Variants in MTREX observed in about 807,000 individuals in gnomAD.
MTREX encodes the protein exosome RNA helicase MTR4.
MTREX carries 76 observed loss-of-function variants against 135.4 expected under a neutral mutation model. The observed-to-expected ratio is 0.56, with a 90% CI of 0.47 to 0.68. The LOEUF is 0.68. Among genes scored for constraint, MTREX ranks in the 30% least tolerant of loss-of-function variants. MTREX has a pLI of 0.00. For synonymous variants in MTREX, 404 were observed against 401.6 expected (o/e 1.01, Z -0.07); for missense variants, 920 against 1,262.1 (o/e 0.73, Z 4.11).
intron 18 of MTREX, among the ~76,000 whole-genome samples, chr5:55,385,477 C>G (rs1035828364): frequency 6.6e-6 from 1 of 152,120 alleles, no homozygotes; most frequent in Non-Finnish European, 1.5e-5. Flanking sequence ...CCTAAAAGCC[C>G]TTTCCAAGCA....
chr5:55,374,216 C>T (rs973117725), intron 16 of MTREX, among the ~76,000 whole-genome samples: 7 of 151,222 alleles, frequency 4.6e-5, no homozygotes, highest in African/African-American at 1.7e-4. Context: ...AAGATTGTGC[C>T]ACTGAACTCT....
intron 1 of MTREX, among the ~76,000 whole-genome samples, chr5:55,308,434 A>C (rs1749016695): frequency 6.6e-6 from 1 of 151,908 alleles, no homozygotes; most frequent in Admixed American, 6.5e-5. Context: ...CATCAGCACA[A>C]CACCTGGCAC....
chr5:55,388,529 G>C (rs138229902), intron 19 of MTREX, among the ~76,000 whole-genome samples: 96 of 152,234 alleles, frequency 6.3e-4, no homozygotes, highest in African/African-American at 2.2e-3. Flanking sequence ...TAGTGCAAAA[G>C]TAATACATTA....
chr5:55,423,201 A>G (rs918471337), intron 26 of MTREX: 1 of 528,486 alleles, frequency 1.9e-6, no homozygotes, highest in Non-Finnish European at 3.3e-6. Flanking sequence ...CGCTAACTAC[A>G]TGCCAGGCAT....
At chr5:55,366,981 G>A (rs897043423) in intron 16 of MTREX, 106 bp downstream of exon 16, 42 of 857,522 alleles carry the variant, frequency 4.9e-5, no homozygotes, top group East Asian at 5.1e-5. Flanking sequence ...GGTAAATTTT[G>A]GTTCATACGT....
At chr5:55,343,557 TAAAA>T in intron 8 of MTREX, 102 bp downstream of exon 8, 1 of 975,582 alleles carries the variant, frequency 1.0e-6, no homozygotes, top group Non-Finnish European at 1.5e-6. Flanking sequence ...TCCAGAATAA[TAAAA>T]AAAACATTTT....
rs1561208027 is a variant in MTREX at position 55,397,461 on chromosome 5, A to G, written c.2227A>G (p.Arg743Gly). 1 of 1,611,044 alleles carries G rather than the reference A, an allele frequency of 6.2e-7. No individual in the cohort carries two copies. The highest frequency in any genetic ancestry group is 8.5e-7 in the Non-Finnish European group (1 of 1,177,816). The change falls in exon 20 of 27, where the codon AGG becomes GGG. Residue 743 changes from arginine to glycine, a missense_variant. Arg to Gly is a moderately radical substitution (Grantham distance 125). This residue lies in a region of MTREX where 467 missense variants were observed against 589.7 expected (regional missense o/e 0.79). Coordinates refer to ENST00000230640, the MANE Select transcript of MTREX (RefSeq NM_015360.5). ...VHLLSAISSV[R>G]LYIPKDLRPV... ...TCTCCTGTCTGCTATCAGCAGTGTT[A>G]GGCTTTACATTCCTAAAGACCTTCG... is the stretch of plus-strand genomic sequence containing the variant.
chr5:55,368,173 G>T (rs1256804287), intron 16 of MTREX, among the ~76,000 whole-genome samples: 1 of 152,214 alleles, frequency 6.6e-6, no homozygotes, highest in Non-Finnish European at 1.5e-5. Flanking sequence ...ATTTCAGCCA[G>T]GTGTGGTGGC....
intron 1 of MTREX, among the ~76,000 whole-genome samples, chr5:55,319,815 A>G (rs1420074697): frequency 1.3e-5 from 2 of 152,226 alleles, no homozygotes; most frequent in East Asian, 1.9e-4. Context: ...ACTTCTGACC[A>G]GAAGTGTTCT....
rs542258253 is a variant in MTREX at position 55,365,300 on chromosome 5, C to A, written c.1660-1425C>A. 9.2e-5 allele frequency among the ~76,000 whole-genome samples: 14 copies of A among 152,164 alleles called. No individual in the cohort carries two copies. The South Asian group carries it at 2.7e-3, about 29-fold the overall frequency. ...AATCTAGTTTTCCTACTAACTTCAC[C>A]ACTCCTTTTGGCCCTATTTTTAAGG... On this transcript the variant is annotated intron_variant, in intron 15 of 26. Coordinates refer to ENST00000230640, the MANE Select transcript of MTREX (RefSeq NM_015360.5).
chr5:55,333,497 T>C (rs549362493), intron 5 of MTREX, among the ~76,000 whole-genome samples: 46 of 152,298 alleles, frequency 3.0e-4, no homozygotes, highest in African/African-American at 1.1e-3. Flanking sequence ...TTTTGGCCAT[T>C]AGTGTAACCT....
chr5:55,416,700 A>G (rs148451264), intron 25 of MTREX, among the ~76,000 whole-genome samples: 1 of 152,290 alleles, frequency 6.6e-6, no homozygotes, highest in African/African-American at 2.4e-5. Context: ...AAATAAGTAG[A>G]CTGTTTAAAC....
intron 16 of MTREX, among the ~76,000 whole-genome samples, chr5:55,375,089 C>T (rs1199559123): frequency 6.6e-6 from 1 of 152,128 alleles, no homozygotes; most frequent in African/African-American, 2.4e-5. Flanking sequence ...AAGTACTTTA[C>T]AAGGTAATAG....
chr5:55,369,438 C>G (rs1465059401), intron 16 of MTREX, among the ~76,000 whole-genome samples: 1 of 152,178 alleles, frequency 6.6e-6, no homozygotes, highest in African/African-American at 2.4e-5. Flanking sequence ...TGTATTGGTG[C>G]ACCTACCTTT....
At chr5:55,345,879 G>A (rs1389804898) in intron 10 of MTREX, among the ~76,000 whole-genome samples, 1 of 151,996 alleles carries the variant, frequency 6.6e-6, no homozygotes, top group African/African-American at 2.4e-5. Flanking sequence ...TGTTGGCTAG[G>A]CAGATCTCAA....
Position 55,350,963 on chromosome 5 carries a change from C to T in MTREX, c.1365C>T (p.His455=), listed in dbSNP as rs1159806532. The change falls in exon 13 of 27, where the codon CAC becomes CAT. Residue 455 remains histidine, a synonymous_variant. Coordinates refer to ENST00000230640, the MANE Select transcript of MTREX (RefSeq NM_015360.5). ...TTTTGAAGAGGGGAATTGGTATTCA[C>T]CATGGTGGTTTACTTCCTATTTTGA... ...LPLLKRGIGI[H]HGGLLPILKE... 20 of 1,607,318 alleles carry T rather than the reference C, an allele frequency of 1.2e-5. No homozygotes were observed. Among genetic ancestry groups the T allele is most frequent in the African/African-American group, 2.7e-5 (2 of 74,568 alleles).
intron 5 of MTREX, among the ~76,000 whole-genome samples, chr5:55,336,413 A>G (rs564861119): frequency 6.6e-6 from 1 of 152,324 alleles, no homozygotes; most frequent in East Asian, 1.9e-4. Flanking sequence ...AATAAATGAA[A>G]ATAAACAAAA....
chr5:55,370,533 C>T (rs1257338463), intron 16 of MTREX, among the ~76,000 whole-genome samples: 4 of 152,204 alleles, frequency 2.6e-5, no homozygotes, highest in Admixed American at 1.3e-4. Context: ...ATTATCCCTG[C>T]ATTTCTCTAC....
intron 3 of MTREX, among the ~76,000 whole-genome samples, chr5:55,326,606 G>T (rs1025512156): frequency 7.2e-5 from 11 of 152,012 alleles, no homozygotes; most frequent in African/African-American, 2.2e-4. Flanking sequence ...AAGGCTATTT[G>T]TACGTGTCAC....
Sources: gnomAD v4.1 joint callset for allele counts (sites outside exome capture counted in the v4.1 genomes callset) on GRCh38, gnomAD v4.1.1 for gene constraint, gnomAD v4.1.1 regional missense constraint, MANE v1.5 for transcripts, NCBI Gene and HGNC (gene_info 2026-07-23, HGNC 2026-07-21) for gene names.